Variants in UTS2B observed in about 807,000 individuals in gnomAD.
UTS2B encodes urotensin-2B.
A neutral mutation model predicts 19.2 loss-of-function variants in UTS2B; 21 were observed. The ratio of observed to expected loss-of-function variants is 1.09; its 90% confidence interval spans 0.78 to 1.58. UTS2B has a LOEUF of 1.58. UTS2B is among the 40% of genes most tolerant of loss of function. The pLI is 0.00. For missense variants in UTS2B, 138 were observed against 130.3 expected, an observed-to-expected ratio of 1.06 and a Z score of -0.29; for synonymous variants, 57 against 50.2, an observed-to-expected ratio of 1.14 and a Z score of -0.58.
chr3:191,282,035 A>C, intron 5 of UTS2B, 52 bp downstream of exon 5: 1 of 1,277,706 alleles, frequency 7.8e-7, no homozygotes, highest in Non-Finnish European at 1.1e-6. Flanking sequence ...TTCAAATAGA[A>C]ATAGAAGAAT....
chr3:191,298,719 T>G (rs1716919927), intron 4 of UTS2B, among the ~76,000 whole-genome samples: 1 of 152,170 alleles, frequency 6.6e-6, no homozygotes, highest in South Asian at 2.1e-4. Context: ...TGGAACTGGG[T>G]AACAAGAGGT....
intron 4 of UTS2B, among the ~76,000 whole-genome samples, chr3:191,287,936 C>A (rs945731474): frequency 6.6e-6 from 1 of 152,100 alleles, no homozygotes; most frequent in African/African-American, 2.4e-5. Context: ...TATGTGAGTT[C>A]ATTAAAGTTG....
At chr3:191,290,988 G>A (rs1178838949) in intron 4 of UTS2B, among the ~76,000 whole-genome samples, 2 of 152,024 alleles carry the variant, frequency 1.3e-5, no homozygotes, top group Non-Finnish European at 1.5e-5. Flanking sequence ...TTCCTTACAT[G>A]TAGTTAAATG....
chr3:191,311,540 C>T (rs9845311), intron 3 of UTS2B, among the ~76,000 whole-genome samples: 34,997 of 152,050 alleles, frequency 0.23, 4,275 homozygotes, highest in South Asian at 0.29. Flanking sequence ...TATTTCTGCA[C>T]GCTAACTCTG....
intron 8 of UTS2B, among the ~76,000 whole-genome samples, chr3:191,274,614 C>T (rs1379720507): frequency 2.0e-5 from 3 of 152,158 alleles, no homozygotes; most frequent in Non-Finnish European, 2.9e-5. Context: ...AACACTGGTT[C>T]ATCTTCTTCC....
At chr3:191,338,150 C>T in the UTS2B span, among the ~76,000 whole-genome samples, 2 of 152,306 alleles carry the variant, frequency 1.3e-5, no homozygotes, top group East Asian at 1.9e-4. Flanking sequence ...ATCTTTCCCT[C>T]TTCACCGCTT....
chr3:191,291,935 T>G (rs1301694607), intron 4 of UTS2B, among the ~76,000 whole-genome samples: 1 of 152,194 alleles, frequency 6.6e-6, no homozygotes, highest in Non-Finnish European at 1.5e-5. Context: ...AACTATAAAT[T>G]TTATTCCATT....
At chr3:191,313,523 T>A (rs530098259) in intron 3 of UTS2B, among the ~76,000 whole-genome samples, 2 of 150,798 alleles carry the variant, frequency 1.3e-5, no homozygotes, top group Non-Finnish European at 2.9e-5. Flanking sequence ...TAACGATATA[T>A]GTTTGTGAGA....
intron 2 of UTS2B, among the ~76,000 whole-genome samples, chr3:191,317,066 G>A (rs1717478190): frequency 6.6e-6 from 1 of 152,244 alleles, no homozygotes; most frequent in Admixed American, 6.5e-5. Context: ...AGCAGGGGGT[G>A]GTGCCCGTCA....
intron 1 of UTS2B, among the ~76,000 whole-genome samples, chr3:191,330,081 G>T (rs758021787): frequency 1.1e-4 from 16 of 152,182 alleles, no homozygotes; most frequent in Non-Finnish European, 2.9e-5. Flanking sequence ...GCCCAGCCTG[G>T]CTGGCTTGAA....
intron 4 of UTS2B, among the ~76,000 whole-genome samples, chr3:191,286,602 T>C (rs899529239): frequency 1.3e-5 from 2 of 151,918 alleles, no homozygotes; most frequent in African/African-American, 2.4e-5. Context: ...CCAAAATGTA[T>C]GGGATACAGC....
chr3:191,315,013 A>AT (rs796258238), intron 3 of UTS2B, among the ~76,000 whole-genome samples: 9,389 of 143,452 alleles, frequency 0.065, 851 homozygotes, highest in African/African-American at 0.21. Context: ...CCACCCTAGA[A>AT]TTTTTTTTTT....
At chr3:191,345,161 G>C in the UTS2B span, among the ~76,000 whole-genome samples, 1 of 152,302 alleles carries the variant, frequency 6.6e-6, no homozygotes, top group African/African-American at 2.4e-5. Flanking sequence ...ACCTGCATCA[G>C]CATCTTCTAA....
intron 3 of UTS2B, among the ~76,000 whole-genome samples, chr3:191,305,024 C>A (rs1180063117): frequency 6.6e-6 from 1 of 152,160 alleles, no homozygotes; most frequent in Non-Finnish European, 1.5e-5. Context: ...TTCATGGCTG[C>A]AGAGTATACC....
At chr3:191,336,947 C>T in the UTS2B span, among the ~76,000 whole-genome samples, 4 of 152,282 alleles carry the variant, frequency 2.6e-5, no homozygotes, top group Middle Eastern at 3.4e-3. Context: ...ATGGCTTTTA[C>T]AGTGTTTAAT....
At chr3:191,275,493 A>G in intron 7 of UTS2B, 148 bp from the exon 8 acceptor site, 1 of 590,598 alleles carries the variant, frequency 1.7e-6, no homozygotes, top group South Asian at 2.0e-5. Context: ...ATCCTGGCTA[A>G]CACAGTGAAA....
intron 5 of UTS2B, among the ~76,000 whole-genome samples, chr3:191,278,912 C>T (rs1368625842): frequency 6.6e-6 from 1 of 151,960 alleles, no homozygotes; most frequent in East Asian, 1.9e-4. Context: ...AAAAATCAAA[C>T]CTTTATCACA....
the UTS2B span, among the ~76,000 whole-genome samples, chr3:191,341,716 C>T: frequency 6.6e-6 from 1 of 151,996 alleles, no homozygotes; most frequent in African/African-American, 2.4e-5. Flanking sequence ...ATATAAATTT[C>T]TTTCTGAAAA....
At chr3:191,331,658 A>G (rs1264048657), upstream of UTS2B, among the ~76,000 whole-genome samples, 1 of 152,200 alleles carries the variant, frequency 6.6e-6, no homozygotes, top group African/African-American at 2.4e-5. Context: ...AAGATCATCA[A>G]AGGAAGTGAT....
Sources: allele counts gnomAD v4.1 joint callset (sites outside exome capture counted in the v4.1 genomes callset), GRCh38; gene constraint gnomAD v4.1.1; transcripts MANE v1.5; gene names NCBI Gene and HGNC (gene_info 2026-07-23, HGNC 2026-07-21).